The following BMP7 variants were observed in gnomAD, a reference collection of about 807,000 sequenced individuals.
The protein encoded by BMP7 is bone morphogenetic protein 7, also known as osteogenic protein 1.
A neutral mutation model predicts 41.2 loss-of-function variants in BMP7; 12 were observed. That is an observed-to-expected ratio of 0.29 (90% confidence interval 0.19 to 0.47). BMP7 has a LOEUF of 0.47. Among genes scored for constraint, BMP7 ranks in the 20% least tolerant of loss-of-function variants. The probability of loss-of-function intolerance (pLI) is 0.99; values close to 1 mark genes in which losing one functional copy is unlikely to be tolerated. For missense variants in BMP7, 467 were observed against 606.0 expected (o/e 0.77, Z 2.41); for synonymous variants, 248 against 250.0 (o/e 0.99, Z 0.07).
At position 57,205,975 on chromosome 20, in the gene BMP7, C is replaced by A. The variant is rs568894573; in HGVS notation, c.612-3352G>T. On this transcript the variant is annotated intron_variant, in intron 2 of 6. Transcript: ENST00000395863. ...GTCGAGTGTGAGATGCTAACACGGG[C>A]TTTGCTTTCAGACTGAGAGCCCAGG... 1.8e-4 allele frequency among the ~76,000 whole-genome samples: 28 copies of A among 152,260 alleles called. No individual in the cohort carries two copies. In the East Asian group the frequency reaches 5.2e-3, roughly 28 times the overall value.
At chr20:57,265,678 C>T in intron 1 of BMP7, 27 bp downstream of exon 1, 2 of 1,583,156 alleles carry the variant, frequency 1.3e-6, no homozygotes, top group Non-Finnish European at 1.7e-6. Context: ...CGAAAGGAGA[C>T]GCGTACCCTC....
At chr20:57,264,792 G>A (rs1031378636) in intron 1 of BMP7, among the ~76,000 whole-genome samples, 9 of 152,188 alleles carry the variant, frequency 5.9e-5, no homozygotes, top group African/African-American at 2.2e-4. Flanking sequence ...ACCACTTTGG[G>A]AGGCTGAGGC....
chr20:57,206,599 G>A (rs1984737844), intron 2 of BMP7, among the ~76,000 whole-genome samples: 1 of 152,130 alleles, frequency 6.6e-6, no homozygotes, highest in Non-Finnish European at 1.5e-5. Context: ...ATACTAGAGG[G>A]GGATGAAACC....
intron 1 of BMP7, among the ~76,000 whole-genome samples, chr20:57,262,564 G>A (rs149170314): frequency 2.2e-4 from 33 of 152,262 alleles, no homozygotes; most frequent in African/African-American, 6.0e-4. Flanking sequence ...CCAGTTTGGC[G>A]GCAGACAGAA....
In BMP7 at chr20:57,170,641, C is replaced by T. The variant is rs747949580; in HGVS notation, c.*318G>A. On this transcript the variant is annotated 3_prime_UTR_variant, in exon 7 of 7. Transcript: ENST00000395863. The stretch of plus-strand genomic sequence containing the variant: ...CTGGCTGGTAGGCGCTCATAATTAC[C>T]TCTGGAAACGAGTCCGTGCATGGCT... 2.2e-5 allele frequency: 8 copies of T among 368,756 alleles called. No individual in the cohort carries two copies. The highest frequency in any genetic ancestry group is 9.1e-4 in the Middle Eastern group (1 of 1,098). The allele number at this position is 368,756 out of a possible 1,614,324, so 22.8% of individuals were successfully genotyped here.
intron 2 of BMP7, among the ~76,000 whole-genome samples, chr20:57,211,284 GA>G (rs1240852928): frequency 6.6e-6 from 1 of 152,214 alleles, no homozygotes; most frequent in East Asian, 1.9e-4. Flanking sequence ...GAGGGGCAGG[GA>G]GGCTCAGGAC....
In BMP7 at chr20:57,227,454, TG is replaced by T. The variant is rs1180731735; in HGVS notation, c.611+774del. On this transcript the variant is annotated intron_variant, in intron 2 of 6. Coordinates refer to ENST00000395863, the MANE Select transcript of BMP7 (RefSeq NM_001719.3). ...GTAGCTGTGATGGTTCTTCTGTCCC[TG>T]TCTATGGTAACAAGTCCCCTTTCTA... Among the ~76,000 whole-genome samples, 18 of 143,246 alleles carry T rather than the reference TG, an allele frequency of 1.3e-4. No homozygotes were observed. In the Admixed American group the frequency reaches 1.3e-3, roughly 10 times the overall value. 94.0% of individuals were successfully genotyped at this position (143,246 alleles called of 152,430 possible). A position where few individuals can be genotyped will look rare whatever the true frequency, so the allele number is the denominator to read the frequency against.
chr20:57,191,243 T>C (rs1271884492), intron 3 of BMP7, among the ~76,000 whole-genome samples: 16 of 152,148 alleles, frequency 1.1e-4, no homozygotes, highest in Non-Finnish European at 1.5e-5. Context: ...ACTGAACACG[T>C]GTTCATGCCT....
intron 5 of BMP7, chr20:57,173,528 G>A: frequency 1.6e-6 from 1 of 625,302 alleles, no homozygotes; most frequent in South Asian, 1.9e-5. Context: ...CTATAGTCTT[G>A]GCCTATAGTC....
chr20:57,230,500 T>C (rs142393182), intron 1 of BMP7, among the ~76,000 whole-genome samples: 1 of 151,294 alleles, frequency 6.6e-6, no homozygotes, highest in Non-Finnish European at 1.5e-5. Flanking sequence ...CAATCCCGCA[T>C]AGGTAGGTGA....
chr20:57,238,269 C>T (rs1179907438), intron 1 of BMP7, among the ~76,000 whole-genome samples: 10 of 152,314 alleles, frequency 6.6e-5, no homozygotes, highest in African/African-American at 1.4e-4. Flanking sequence ...AAGTTTCATC[C>T]GTGCTGTAGC....
At chr20:57,198,145 C>T (rs1170164816) in intron 3 of BMP7, among the ~76,000 whole-genome samples, 1 of 140,046 alleles carries the variant, frequency 7.1e-6, no homozygotes, top group East Asian at 2.1e-4. Context: ...CTCTCGCTCT[C>T]CTCTCCCCCT....
Position 57,228,290 on chromosome 20 carries a change from G to A in BMP7, c.550C>T (p.Arg184Cys), listed in dbSNP as rs776230892. The A allele has an allele frequency of 1.4e-5, 23 of 1,614,104 alleles. No individual in the cohort carries two copies. The highest frequency in any genetic ancestry group is 2.2e-5 in the South Asian group (2 of 91,068). ...ATCCGGAACGTCTCATTGTCGAAGC[G>A]TTCCCGGATGTAGTCCTTGTAGATC... is the stretch of plus-strand genomic sequence containing the variant. The part of the protein sequence containing the change: ...FRIYKDYIRE[R>C]FDNETFRISV... Residue 184 changes from arginine to cysteine, a missense_variant, in exon 2 of 7, where the codon CGC becomes TGC. By Grantham distance (180) the Arg-to-Cys change is radical. This residue lies in a region of BMP7 where 407 missense variants were observed against 485.9 expected (regional missense o/e 0.84). Coordinates refer to ENST00000395863, the MANE Select transcript of BMP7 (RefSeq NM_001719.3). The surrounding 1 kb of genome is among the most constrained non-coding windows in gnomAD (Gnocchi z 4.5).
intron 2 of BMP7, among the ~76,000 whole-genome samples, chr20:57,206,368 C>T (rs1280529349): frequency 1.3e-5 from 2 of 152,176 alleles, no homozygotes; most frequent in African/African-American, 4.8e-5. Context: ...TACTGTTTTA[C>T]AGATGAGAAA....
At chr20:57,234,223 C>G (rs1328309683) in intron 1 of BMP7, among the ~76,000 whole-genome samples, 2 of 152,210 alleles carry the variant, frequency 1.3e-5, no homozygotes, top group African/African-American at 4.8e-5. Context: ...GGAAGCCAGC[C>G]TTAACCTTGG....
At chr20:57,191,475 A>G (rs6064511) in intron 3 of BMP7, among the ~76,000 whole-genome samples, 61,866 of 151,968 alleles carry the variant, frequency 0.41, 14,649 homozygotes, top group South Asian at 0.56. Flanking sequence ...AGGCAGGCAG[A>G]TCACTTGAGG....
At chr20:57,201,984 C>G (rs1463907889) in intron 3 of BMP7, among the ~76,000 whole-genome samples, 1 of 152,206 alleles carries the variant, frequency 6.6e-6, no homozygotes, top group Non-Finnish European at 1.5e-5. Flanking sequence ...TTTTGTCCCA[C>G]AGGGCACAAT....
At chr20:57,212,615 G>A (rs1406482334) in intron 2 of BMP7, among the ~76,000 whole-genome samples, 1 of 152,232 alleles carries the variant, frequency 6.6e-6, no homozygotes, top group East Asian at 1.9e-4. Context: ...GCAAGAGAGC[G>A]AGCCAGCGAG....
At chr20:57,209,249 T>TTATA (rs57062226) in intron 2 of BMP7, among the ~76,000 whole-genome samples, 5,267 of 94,476 alleles carry the variant, frequency 0.056, 136 homozygotes, top group Non-Finnish European at 0.076. Flanking sequence ...TTATATATTT[T>TTATA]TATATATATA....
Sources: allele counts gnomAD v4.1 joint callset (sites outside exome capture counted in the v4.1 genomes callset), GRCh38; gene constraint gnomAD v4.1.1; regional missense constraint gnomAD v4.1.1; non-coding constraint Gnocchi (gnomAD v3.1); transcripts MANE v1.5; gene names NCBI Gene and HGNC (gene_info 2026-07-23, HGNC 2026-07-21).